Variants in CDIN1 observed in about 807,000 individuals in gnomAD.
CDIN1 encodes CDAN1 interacting nuclease 1.
CDIN1 carries 33 observed loss-of-function variants against 45.3 expected under a neutral mutation model. The observed-to-expected ratio is 0.73, with a 90% CI of 0.55 to 0.97. The LOEUF is 0.97. Ranked by LOEUF, CDIN1 falls within the 50% of genes least tolerant of loss-of-function variation. The probability of loss-of-function intolerance (pLI) is 0.00; values close to 1 mark genes in which losing one functional copy is unlikely to be tolerated. For synonymous variants in CDIN1, 118 were observed against 124.4 expected (o/e 0.95, Z 0.34); for missense variants, 303 against 339.4 (o/e 0.89, Z 0.84).
At chr15:36,796,264 A>G (rs1361781680) in intron 10 of CDIN1, among the ~76,000 whole-genome samples, 2 of 152,178 alleles carry the variant, frequency 1.3e-5, no homozygotes, top group Non-Finnish European at 2.9e-5. Context: ...TATGAAGTTT[A>G]TTCTCAAATC....
intron 1 of CDIN1, among the ~76,000 whole-genome samples, chr15:36,586,033 T>A (rs1035534174): frequency 1.3e-5 from 2 of 152,146 alleles, no homozygotes; most frequent in Admixed American, 6.5e-5. Flanking sequence ...CCCATACTCA[T>A]AAACTCTGTT....
chr15:36,618,409 G>A, intron 1 of CDIN1: 1 of 743,678 alleles, frequency 1.3e-6, no homozygotes, highest in Non-Finnish European at 2.4e-6. Flanking sequence ...GGGGACTATG[G>A]TAGGGGCAGG....
At chr15:36,754,863 C>T (rs906809960) in intron 10 of CDIN1, among the ~76,000 whole-genome samples, 2 of 152,188 alleles carry the variant, frequency 1.3e-5, no homozygotes, top group African/African-American at 2.4e-5. Flanking sequence ...TAAAGTTACA[C>T]GCCTTGAAAG....
At chr15:36,643,553 G>A (rs1173752822) in intron 1 of CDIN1, among the ~76,000 whole-genome samples, 8 of 152,156 alleles carry the variant, frequency 5.3e-5, no homozygotes, top group Non-Finnish European at 1.0e-4. Flanking sequence ...GCTTTTTAGA[G>A]AAAGAAAAAT....
At chr15:36,673,972 C>G (rs1293160878) in intron 5 of CDIN1, among the ~76,000 whole-genome samples, 4 of 151,992 alleles carry the variant, frequency 2.6e-5, no homozygotes, top group Non-Finnish European at 5.9e-5. Flanking sequence ...CTAGTACATA[C>G]ACACATACAC....
At chr15:36,715,123 C>G (rs968819686) in intron 10 of CDIN1, among the ~76,000 whole-genome samples, 1 of 152,074 alleles carries the variant, frequency 6.6e-6, no homozygotes, top group Non-Finnish European at 1.5e-5. Flanking sequence ...GGATAGGAGG[C>G]GAGATGAGCA....
In CDIN1 at chr15:36,772,789, G is replaced by C. The variant is rs146574080; in HGVS notation, c.717-35535G>C. Among the ~76,000 whole-genome samples the C allele has an allele frequency of 1.4e-3, 215 of 152,294 alleles. 1 individual carries two copies. Among genetic ancestry groups the C allele is most frequent in the African/African-American group, 4.6e-3 (191 of 41,560 alleles). ...ATGCTCTGATAGGATCTGTTGAGCT[G>C]TATCTCCAAATTCCAAAAGAATTGT... On this transcript the variant is annotated intron_variant, in intron 10 of 10. Transcript: ENST00000566621.
chr15:36,716,482 G>C (rs1287513415), intron 10 of CDIN1, among the ~76,000 whole-genome samples: 2 of 152,168 alleles, frequency 1.3e-5, no homozygotes, highest in Non-Finnish European at 2.9e-5. Context: ...GCTAATTCTA[G>C]AATAATGGAG....
chr15:36,696,151 C>T (rs2042417326), intron 7 of CDIN1, among the ~76,000 whole-genome samples: 2 of 152,004 alleles, frequency 1.3e-5, no homozygotes, highest in Non-Finnish European at 2.9e-5. Flanking sequence ...AAAATAACAT[C>T]CTAAAGGCAC....
chr15:36,699,241 G>A lies in CDIN1; in HGVS notation c.544+1851G>A, dbSNP rs1246543168. ...AGCACTGAATTAACATATGTTTGTG[G>A]TTGAAAAATGAAAATTGAAAGCTTT... On this transcript the variant is annotated intron_variant, in intron 8 of 10. Coordinates refer to ENST00000566621, the MANE Select transcript of CDIN1 (RefSeq NM_001321759.2). Among the ~76,000 whole-genome samples, 311 of 152,196 alleles carry A rather than the reference G, an allele frequency of 2.0e-3. 1 individual carries two copies. The highest frequency in any genetic ancestry group is 6.9e-3 in the African/African-American group (286 of 41,524).
intron 10 of CDIN1, among the ~76,000 whole-genome samples, chr15:36,767,513 C>T (rs1349839217): frequency 6.6e-6 from 1 of 152,166 alleles, no homozygotes; most frequent in Non-Finnish European, 1.5e-5. Flanking sequence ...GACACAGTTA[C>T]ATGTTTATTA....
chr15:36,582,273 TC>T (rs2037081625), intron 1 of CDIN1, among the ~76,000 whole-genome samples: 1 of 152,230 alleles, frequency 6.6e-6, no homozygotes, highest in Non-Finnish European at 1.5e-5. Context: ...TCTCAAACAG[TC>T]ATACAAGTGC....
chr15:36,626,938 C>A, intron 1 of CDIN1: 1 of 195,612 alleles, frequency 5.1e-6, no homozygotes, highest in South Asian at 9.7e-5. Flanking sequence ...CTTCCAGGTT[C>A]ACAGGCTTGA....
chr15:36,737,167 CA>C (rs965614774), intron 10 of CDIN1, among the ~76,000 whole-genome samples: 42 of 98,480 alleles, frequency 4.3e-4, no homozygotes, highest in Admixed American at 3.3e-4. Context: ...GACCCGGTCT[CA>C]AAAAAAAAAA....
chr15:36,710,581 A>C (rs566709898), intron 10 of CDIN1, among the ~76,000 whole-genome samples: 2 of 152,180 alleles, frequency 1.3e-5, no homozygotes, highest in African/African-American at 4.8e-5. Flanking sequence ...GCTAGTTATC[A>C]TGGGGCTGCA....
At chr15:36,800,903 GTGTGTGTA>G (rs1464786000) in intron 10 of CDIN1, among the ~76,000 whole-genome samples, 10 of 20,028 alleles carry the variant, frequency 5.0e-4, no homozygotes, top group East Asian at 2.3e-3. Context: ...GTGTGTGTGT[GTGTGTGTA>G]TATATATATA....
intron 10 of CDIN1, among the ~76,000 whole-genome samples, chr15:36,765,057 C>CTTTTTTTTTTTTTTT (rs377685100): frequency 1.4e-5 from 2 of 139,644 alleles, no homozygotes; most frequent in African/African-American, 2.6e-5. Context: ...ATTTTTCTTT[C>CTTTTTTTTTTTTTTT]TTTCTTTTTT....
At position 36,589,509 on chromosome 15, in the gene CDIN1, TTC is replaced by T. The variant is rs1488823961; in HGVS notation, c.101+9550_101+9551del. Among the ~76,000 whole-genome samples, 187 of 50,354 alleles carry T rather than the reference TTC, an allele frequency of 3.7e-3. 5 individuals are homozygous for T. In the South Asian group the frequency reaches 0.099, roughly 27 times the overall value. The allele number at this position is 50,354 out of a possible 152,430, so 33.0% of individuals were successfully genotyped here. ...TGAATGACAGTTCTCCATTTCTTTT[TTC>T]TTTTTTTTTTTTGAGACGGAGTCTT... On this transcript the variant is annotated intron_variant, in intron 1 of 10. Transcript: ENST00000566621.
At chr15:36,711,588 A>G (rs2043057918) in intron 10 of CDIN1, among the ~76,000 whole-genome samples, 2 of 152,160 alleles carry the variant, frequency 1.3e-5, no homozygotes, top group African/African-American at 4.8e-5. Flanking sequence ...GTTGCATTCT[A>G]CTTTTACCCT....
Sources: gnomAD v4.1 joint callset for allele counts (sites outside exome capture counted in the v4.1 genomes callset) on GRCh38, gnomAD v4.1.1 for gene constraint, MANE v1.5 for transcripts, NCBI Gene and HGNC (gene_info 2026-07-23, HGNC 2026-07-21) for gene names.